ZNF286A: variants seen among roughly 807,000 people sequenced by gnomAD.
ZNF286A encodes zinc finger protein ZNF286.
A neutral mutation model predicts 49.3 loss-of-function variants in ZNF286A; 34 were observed. That is an observed-to-expected ratio of 0.69 (90% CI 0.52 to 0.92). ZNF286A has a LOEUF of 0.92. Among genes scored for constraint, ZNF286A ranks in the 40% least tolerant of loss-of-function variants. The pLI is 0.00. For missense variants in ZNF286A, 462 were observed against 600.2 expected, an observed-to-expected ratio of 0.77 and a Z score of 2.41; for synonymous variants, 155 against 200.4, an observed-to-expected ratio of 0.77 and a Z score of 1.91.
At chr17:15,715,487 A>C (rs1194599583) in intron 5 of ZNF286A, among the ~76,000 whole-genome samples, 1 of 152,178 alleles carries the variant, frequency 6.6e-6, no homozygotes, top group Non-Finnish European at 1.5e-5. Flanking sequence ...TACCTGAATT[A>C]GTGCTTCAAC....
Position 15,716,464 on chromosome 17 carries a change from A to T in ZNF286A, c.740A>T (p.Asp247Val). Residue 247 changes from aspartate (D) to valine (V), a missense_variant, in exon 6 of 6, where the codon GAT becomes GTT. Transcript: ENST00000583566. Reference sequence around the variant, plus strand: ...GAGAAAAAACCTCATAAATGTAATGATTGTGGTGAACTCTTCACCTACCAT... The same window carrying T: ...GAGAAAAAACCTCATAAATGTAATGTTTGTGGTGAACTCTTCACCTACCAT... The part of the protein sequence containing the change: ...YKEKKPHKCN[D>V]CGELFTYHSV... The T allele has an allele frequency of 6.2e-7, 1 of 1,613,832 alleles. No individual in the cohort carries two copies. Among genetic ancestry groups the T allele is most frequent in the East Asian group, 2.2e-5 (1 of 44,870 alleles).
At chr17:15,706,586 C>A in intron 4 of ZNF286A, 85 bp downstream of exon 4, 1 of 1,037,456 alleles carries the variant, frequency 9.6e-7, no homozygotes, top group Non-Finnish European at 1.4e-6. Context: ...AAGCCTTCAC[C>A]TTTGCATTCA....
At chr17:15,713,294 A>C (rs1966875700) in intron 5 of ZNF286A, among the ~76,000 whole-genome samples, 1 of 152,222 alleles carries the variant, frequency 6.6e-6, no homozygotes, top group South Asian at 2.1e-4. Flanking sequence ...TTGTTAAAAA[A>C]CATCTATTTT....
intron 3 of ZNF286A, among the ~76,000 whole-genome samples, chr17:15,703,157 A>AT (rs2151452409): frequency 6.6e-6 from 1 of 152,298 alleles, no homozygotes; most frequent in East Asian, 1.9e-4. Flanking sequence ...ACGCACAAAC[A>AT]TCCCACCCAT....
chr17:15,704,777 C>A, intron 3 of ZNF286A: 1 of 1,613,928 alleles, frequency 6.2e-7, no homozygotes, highest in South Asian at 1.1e-5. Flanking sequence ...ACCTGGAGGT[C>A]GGTGAGGTCC....
rs1448672204 is a variant in ZNF286A at position 15,706,496 on chromosome 17, C to T, written c.236C>T (p.Ser79Leu). 2.1e-5 allele frequency: 34 copies of T among 1,597,780 alleles called. No homozygotes were observed. The highest frequency in any genetic ancestry group is 2.8e-5 in the Non-Finnish European group (33 of 1,172,598). ...CTGGAGAACTATAGGAACCTAGTCT[C>T]ACTTTGTAAGAATGGATTGTGATTC... is the stretch of plus-strand genomic sequence containing the variant. Reference protein sequence around the residue: ...VMLENYRNLVSLWLPVSKPES... With the variant: ...VMLENYRNLVLLWLPVSKPES... The change falls in exon 4 of 6, where the codon TCA becomes TTA. Residue 79 changes from serine to leucine, a missense_variant. Ser to Leu is a moderately radical substitution (Grantham distance 145, BLOSUM62 -2). This residue lies in a region of ZNF286A where 259 missense variants were observed against 272.2 expected (regional missense o/e 0.95). Transcript: ENST00000583566.
At chr17:15,715,785 G>C (rs1474811908) in intron 5 of ZNF286A, among the ~76,000 whole-genome samples, 1 of 152,164 alleles carries the variant, frequency 6.6e-6, no homozygotes, top group Admixed American at 6.5e-5. Context: ...CTGCTCATCT[G>C]TGGATATATT....
intron 5 of ZNF286A, among the ~76,000 whole-genome samples, chr17:15,713,426 A>T (rs1328008954): frequency 1.3e-5 from 2 of 152,250 alleles, no homozygotes; most frequent in Non-Finnish European, 2.9e-5. Flanking sequence ...GCAACTTGAT[A>T]TGACATGTTG....
intron 5 of ZNF286A, among the ~76,000 whole-genome samples, chr17:15,715,210 C>CT (rs934604376): frequency 1.3e-5 from 2 of 151,284 alleles, no homozygotes; most frequent in Admixed American, 6.6e-5. Flanking sequence ...TCCATTTATC[C>CT]TTTTTTTATT....
chr17:15,701,139 T>C lies in ZNF286A; in HGVS notation c.38-13T>C. 2.5e-6 allele frequency: 4 copies of C among 1,613,936 alleles called. No individual in the cohort carries two copies. Among genetic ancestry groups the C allele is most frequent in the Non-Finnish European group, 3.4e-6 (4 of 1,179,964 alleles). On this transcript the variant is annotated splice_polypyrimidine_tract_variant and intron_variant, in intron 2 of 5. Transcript: ENST00000583566. Reference sequence around the variant, plus strand: ...AAGCCTAGGTCTCATCATTACTGCTTTCTTGTCGTTAGCTCTGTCTTCCCA... The same window carrying C: ...AAGCCTAGGTCTCATCATTACTGCTCTCTTGTCGTTAGCTCTGTCTTCCCA...
intron 3 of ZNF286A, among the ~76,000 whole-genome samples, chr17:15,703,921 C>G (rs1289548476): frequency 1.3e-5 from 2 of 151,946 alleles, no homozygotes; most frequent in African/African-American, 2.4e-5. Context: ...CACTTAATCT[C>G]CACTGAATGT....
rs987948178 is a variant in ZNF286A at position 15,711,865 on chromosome 17, C to CT, written c.334+3618_334+3619insT. Reference sequence around the variant, plus strand: ...TTTGCATTTATCTGTAATCTGCCCCCCCCCCGGCTTTTTTTTTTTTTTTTG... The same window carrying CT: ...TTTGCATTTATCTGTAATCTGCCCCCTCCCCCGGCTTTTTTTTTTTTTTTTG... On this transcript the variant is annotated intron_variant, in intron 5 of 5. Transcript: ENST00000583566. Among the ~76,000 whole-genome samples, 66 of 101,974 alleles carry CT rather than the reference C, an allele frequency of 6.5e-4. 1 individual carries two copies. The highest frequency in any genetic ancestry group is 2.3e-3 in the African/African-American group (61 of 26,928). 66.9% of individuals were successfully genotyped at this position (101,974 alleles called of 152,430 possible).
chr17:15,711,866 C>CA (rs368552206), intron 5 of ZNF286A, among the ~76,000 whole-genome samples: 1,301 of 103,500 alleles, frequency 0.013, 85 homozygotes, highest in African/African-American at 0.043. Flanking sequence ...ATCTGCCCCC[C>CA]CCCCGGCTTT....
intron 3 of ZNF286A, chr17:15,701,541 A>G (rs1438215859): frequency 8.1e-6 from 2 of 246,288 alleles, no homozygotes; most frequent in East Asian, 8.7e-5. Context: ...TATTTTAAAT[A>G]TAATGTGGTA....
intron 5 of ZNF286A, among the ~76,000 whole-genome samples, chr17:15,712,019 C>CATA (rs1990703152): frequency 6.6e-6 from 1 of 151,716 alleles, no homozygotes; most frequent in Admixed American, 6.6e-5. Context: ...CTACAGGTGC[C>CATA]CGCCACCACA....
chr17:15,707,597 ATC>A (rs1169990220), intron 4 of ZNF286A, among the ~76,000 whole-genome samples: 3 of 152,144 alleles, frequency 2.0e-5, no homozygotes, highest in Admixed American at 6.5e-5. Context: ...AATTTGCAAC[ATC>A]TCTCTGAAGT....
chr17:15,712,728 A>G (rs1002331575), intron 5 of ZNF286A, among the ~76,000 whole-genome samples: 1 of 152,048 alleles, frequency 6.6e-6, no homozygotes, highest in African/African-American at 2.4e-5. Context: ...CTTTGCCCTC[A>G]TATACTTCAT....
At chr17:15,710,057 G>A (rs1192182218) in intron 5 of ZNF286A, 4 of 615,154 alleles carry the variant, frequency 6.5e-6, no homozygotes, top group Non-Finnish European at 1.1e-5. Flanking sequence ...ATGTTACTTG[G>A]CTATTCAAGT....
At position 15,717,316 on chromosome 17, in the gene ZNF286A, A is replaced by T; in HGVS notation, c.*26A>T. 6.7e-7 allele frequency: 1 copy of T among 1,491,804 alleles called. No homozygotes were observed. Among genetic ancestry groups the T allele is most frequent in the Non-Finnish European group, 9.0e-7 (1 of 1,108,036 alleles). The allele number at this position is 1,491,804 out of a possible 1,614,324, so 92.4% of individuals were successfully genotyped here. On this transcript the variant is annotated 3_prime_UTR_variant, in exon 6 of 6. Transcript: ENST00000583566. ...AAAATTACTGAATGTGAAGAAATGT[A>T]AGTTGGTTTTATCACTGTATTAAAT...
Sources: allele counts gnomAD v4.1 joint callset (sites outside exome capture counted in the v4.1 genomes callset), GRCh38; gene constraint gnomAD v4.1.1; regional missense constraint gnomAD v4.1.1; transcripts MANE v1.5; gene names NCBI Gene and HGNC (gene_info 2026-07-23, HGNC 2026-07-21).